ITPRIPL1: variants seen among roughly 807,000 people sequenced by gnomAD.
ITPRIPL1 encodes the protein ITPRIP like 1.
A neutral mutation model predicts 40.0 loss-of-function variants in ITPRIPL1; 28 were observed. The ratio of observed to expected loss-of-function variants is 0.70; its 90% CI spans 0.52 to 0.96. The LOEUF (loss-of-function observed/expected upper bound fraction) is 0.96. ITPRIPL1 is among the 40% of genes least tolerant of loss of function. The probability of loss-of-function intolerance (pLI) is 0.00; values close to 1 mark genes in which losing one functional copy is unlikely to be tolerated. For synonymous variants in ITPRIPL1, 251 were observed against 275.7 expected, an observed-to-expected ratio of 0.91 and a Z score of 0.89; for missense variants, 638 against 698.0, an observed-to-expected ratio of 0.91 and a Z score of 0.97.
At position 96,328,000 on chromosome 2, in the gene ITPRIPL1, T is replaced by C. The variant is rs1181773624; in HGVS notation, c.1369T>C (p.Leu457=). ...TTTTAAAACAGCTCTCATGCACCTC[T>C]TGCTACGGCTGCCCCTCACGGACTG... ...YHFKTALMHL[L]LRLPLTDWAH... Residue 457 remains leucine, a synonymous_variant, in exon 3 of 3, where the codon TTG becomes CTG. Transcript: ENST00000439118. 9.3e-6 allele frequency: 15 copies of C among 1,614,070 alleles called. No homozygotes were observed. The Admixed American group carries it at 2.5e-4, about 27-fold the overall frequency.
chr2:96,327,523 A>C lies in ITPRIPL1; in HGVS notation c.892A>C (p.Lys298Gln). Residue 298 changes from lysine (K) to glutamine (Q), a missense_variant, in exon 3 of 3, where the codon AAG becomes CAG. Coordinates refer to ENST00000439118, the MANE Select transcript of ITPRIPL1 (RefSeq NM_001008949.3). ...HHRDPSAVLGKCSSSIKAALC... is the reference protein window; with the variant it reads ...HHRDPSAVLGQCSSSIKAALC... ...CAGGGACCCCTCGGCAGTCTTGGGG[A>C]AGTGTAGTAGCTCCATCAAGGCAGC... 1 of 1,613,846 alleles carries C rather than the reference A, an allele frequency of 6.2e-7. No homozygotes were observed. Among genetic ancestry groups the C allele is most frequent in the Non-Finnish European group, 8.5e-7 (1 of 1,179,956 alleles).
At chr2:96,326,223 G>C (rs2064105013) in intron 2 of ITPRIPL1, 1 of 1,440,206 alleles carries the variant, frequency 6.9e-7, no homozygotes, top group African/African-American at 1.4e-5. Flanking sequence ...GTGTCACCCA[G>C]GCAGGTTCAG....
downstream of ITPRIPL1, chr2:96,330,285 A>G (rs1331016288): frequency 2.9e-5 from 4 of 136,438 alleles, no homozygotes; most frequent in Non-Finnish European, 4.7e-5. Context: ...AAAGGTTCCC[A>G]GAAGCTGATG....
intron 2 of ITPRIPL1, chr2:96,326,276 A>T (rs767772612): frequency 6.9e-7 from 1 of 1,444,160 alleles, no homozygotes; most frequent in Non-Finnish European, 9.2e-7. Flanking sequence ...TCAGCAGGTC[A>T]TATCTGGTGC....
At chr2:96,328,402 C>T, downstream of ITPRIPL1, 1 of 1,201,912 alleles carries the variant, frequency 8.3e-7, no homozygotes, top group South Asian at 1.5e-5. Context: ...TGACCTTCAC[C>T]TTGCCAGTGG....
At chr2:96,328,573 C>G (rs2064139068), downstream of ITPRIPL1, 1 of 352,656 alleles carries the variant, frequency 2.8e-6, no homozygotes, top group African/African-American at 2.1e-5. Context: ...ATGGGAGGAT[C>G]TTGCTGCTAA....
At position 96,326,019 on chromosome 2, in the gene ITPRIPL1, G is replaced by A. The variant is rs552429220; in HGVS notation, c.10+170G>A. ...TGAAGCTAGCCTGCCCACACACGGG[G>A]TATCCACTAGCCCCTTAGGAGCAGA... On this transcript the variant is annotated intron_variant, in intron 2 of 2. Coordinates refer to ENST00000439118, the MANE Select transcript of ITPRIPL1 (RefSeq NM_001008949.3). Among the ~76,000 whole-genome samples the A allele has an allele frequency of 2.4e-4, 36 of 152,294 alleles. 2 individuals carry two copies. Among genetic ancestry groups the A allele is most frequent in the Admixed American group, 1.8e-3 (28 of 15,288 alleles).
rs761396328 is a variant in ITPRIPL1 at position 96,327,628 on chromosome 2, G to T, written c.997G>T (p.Val333Leu). 6 of 1,611,072 alleles carry T rather than the reference G, an allele frequency of 3.7e-6. No individual in the cohort carries two copies. In the Admixed American group the frequency reaches 6.7e-5, roughly 18 times the overall value. The stretch of plus-strand genomic sequence containing the variant: ...CATGATGGGCAATGCCTGGGCCCTT[G>T]TGGCCCACAAGTATGACTTTAAACT... ...RNMMGNAWAL[V>L]AHKYDFKLSL... Residue 333 changes from valine (V) to leucine (L), a missense_variant, in exon 3 of 3, where the codon GTG becomes TTG. Coordinates refer to ENST00000439118, the MANE Select transcript of ITPRIPL1 (RefSeq NM_001008949.3).
chr2:96,325,617 C>T, intron 1 of ITPRIPL1, 52 bp downstream of exon 1: 1 of 610,208 alleles, frequency 1.6e-6, no homozygotes, highest in South Asian at 1.9e-5. Context: ...AGGATGGGCC[C>T]TTGGCCTCCT....
At position 96,327,833 on chromosome 2, in the gene ITPRIPL1, G is replaced by C. The variant is rs371232545; in HGVS notation, c.1202G>C (p.Cys401Ser). 9.9e-6 allele frequency: 16 copies of C among 1,614,026 alleles called. No individual in the cohort carries two copies. Among genetic ancestry groups the C allele is most frequent in the African/African-American group, 1.3e-5 (1 of 74,932 alleles). Residue 401 changes from cysteine (C) to serine (S), a missense_variant, in exon 3 of 3, where the codon TGT (cysteine) becomes TCT (serine). By Grantham distance (112) the Cys-to-Ser change is moderately radical. Transcript: ENST00000439118. The part of the protein sequence containing the change: ...SVDWPESFVA[C>S]EHLFLKLVGR... Reference sequence around the variant, plus strand: ...GACTGGCCTGAGTCCTTTGTGGCCTGTGAGCACCTGTTCCTGAAGCTGGTG... The same window carrying C: ...GACTGGCCTGAGTCCTTTGTGGCCTCTGAGCACCTGTTCCTGAAGCTGGTG...
At chr2:96,326,438 G>A (rs1444653355) in intron 2 of ITPRIPL1, 1 of 1,550,020 alleles carries the variant, frequency 6.5e-7, no homozygotes, top group Admixed American at 1.9e-5. Context: ...GAGACTGAGT[G>A]GCACATCCTT....
In ITPRIPL1 at chr2:96,326,716, G is replaced by C; in HGVS notation, c.85G>C (p.Val29Leu). 1 of 1,614,230 alleles carries C rather than the reference G, an allele frequency of 6.2e-7. No homozygotes were observed. The highest frequency in any genetic ancestry group is 1.1e-5 in the South Asian group (1 of 91,084). ...GTATGTTGTTCACCACCCTCTGATGGTCAGTGATCGGATGGACCTGGACAC... is the reference window on the plus strand; with the variant it reads ...GTATGTTGTTCACCACCCTCTGATGCTCAGTGATCGGATGGACCTGGACAC... ...VMYVVHHPLM[V>L]SDRMDLDTLA... The change falls in exon 3 of 3, where the codon GTC (valine) becomes CTC (leucine). Residue 29 changes from valine to leucine, a missense_variant. Val to Leu is a conservative substitution (Grantham distance 32, BLOSUM62 1). Coordinates refer to ENST00000439118, the MANE Select transcript of ITPRIPL1 (RefSeq NM_001008949.3).
rs770227362 is a variant in ITPRIPL1 at position 96,327,125 on chromosome 2, A to G, written c.494A>G (p.Gln165Arg). 3.1e-6 allele frequency: 5 copies of G among 1,614,060 alleles called. No individual in the cohort carries two copies. In the Admixed American group the frequency reaches 8.3e-5, roughly 27 times the overall value. ...SYNWLTDFPS[Q>R]EALDSFYKHY... ...AACTGGCTTACTGACTTCCCCTCCC[A>G]GGAGGCCCTGGACTCCTTTTACAAA... Residue 165 changes from glutamine (Q) to arginine (R), a missense_variant, in exon 3 of 3, where the codon CAG (glutamine) becomes CGG (arginine). Coordinates refer to ENST00000439118, the MANE Select transcript of ITPRIPL1 (RefSeq NM_001008949.3).
At position 96,328,324 on chromosome 2, in the gene ITPRIPL1, A is replaced by G. The variant is rs199814404; in HGVS notation, c.*25A>G. The G allele has an allele frequency of 3.7e-5, 58 of 1,551,310 alleles. No individual in the cohort carries two copies. Among genetic ancestry groups the G allele is most frequent in the Non-Finnish European group, 4.8e-5 (55 of 1,144,930 alleles). On this transcript the variant is annotated 3_prime_UTR_variant, in exon 3 of 3. Transcript: ENST00000439118. ...ATGTAAAGACCATTAAAAAAAAAACAGAGGAAGGTATTTCTAATTCCTTGG... is the reference window on the plus strand; with the variant it reads ...ATGTAAAGACCATTAAAAAAAAAACGGAGGAAGGTATTTCTAATTCCTTGG...
rs1185727855 is a variant in ITPRIPL1 at position 96,327,502 on chromosome 2, G to A, written c.871G>A (p.Asp291Asn). The change falls in exon 3 of 3, where the codon GAC becomes AAC. Residue 291 changes from aspartate to asparagine, a missense_variant. Coordinates refer to ENST00000439118, the MANE Select transcript of ITPRIPL1 (RefSeq NM_001008949.3). Reference sequence around the variant, plus strand: ...GCTGTGCCTGGTGCACCACCACAGGGACCCCTCGGCAGTCTTGGGGAAGTG... The same window carrying A: ...GCTGTGCCTGGTGCACCACCACAGGAACCCCTCGGCAGTCTTGGGGAAGTG... Reference protein sequence around the residue: ...DVLCLVHHHRDPSAVLGKCSS... With the variant: ...DVLCLVHHHRNPSAVLGKCSS... 2.5e-6 allele frequency: 4 copies of A among 1,613,970 alleles called. No individual in the cohort carries two copies. In the East Asian group the frequency reaches 6.7e-5, roughly 27 times the overall value.
Position 96,327,548 on chromosome 2 carries a change from C to T in ITPRIPL1, c.917C>T (p.Ala306Val), listed in dbSNP as rs900456205. Reference sequence around the variant, plus strand: ...AAGTGTAGTAGCTCCATCAAGGCAGCTCTCTGCACCGGCTTCCACCTAGAC... The same window carrying T: ...AAGTGTAGTAGCTCCATCAAGGCAGTTCTCTGCACCGGCTTCCACCTAGAC... ...LGKCSSSIKA[A>V]LCTGFHLDVC... Residue 306 changes from alanine to valine, a missense_variant, in exon 3 of 3, where the codon GCT becomes GTT. Ala to Val is a moderately conservative substitution (Grantham distance 64). Transcript: ENST00000439118. 10 of 1,613,356 alleles carry T rather than the reference C, an allele frequency of 6.2e-6. No homozygotes were observed. Among genetic ancestry groups the T allele is most frequent in the Non-Finnish European group, 8.5e-6 (10 of 1,179,738 alleles).
At position 96,326,755 on chromosome 2, in the gene ITPRIPL1, C is replaced by A; in HGVS notation, c.124C>A (p.Arg42=). 2.5e-6 allele frequency: 4 copies of A among 1,614,162 alleles called. No individual in the cohort carries two copies. Among genetic ancestry groups the A allele is most frequent in the Non-Finnish European group, 3.4e-6 (4 of 1,180,034 alleles). The change falls in exon 3 of 3, where the codon CGG becomes AGG. Residue 42 remains arginine, a synonymous_variant. Transcript: ENST00000439118. The stretch of plus-strand genomic sequence containing the variant: ...GGACCTGGACACATTAGCCAGGAGT[C>A]GGCAGCTGGAGAAGCGAATGAGTGA... ...RMDLDTLARS[R]QLEKRMSEEM...
At position 96,328,274 on chromosome 2, in the gene ITPRIPL1, A is replaced by G; in HGVS notation, c.1643A>G (p.His548Arg). 2 of 1,613,476 alleles carry G rather than the reference A, an allele frequency of 1.2e-6. No individual in the cohort carries two copies. The highest frequency in any genetic ancestry group is 1.7e-6 in the Non-Finnish European group (2 of 1,179,666). Reference protein sequence around the residue: ...NLLTQVKTLPHAPLAAAP With the variant: ...NLLTQVKTLPRAPLAAAP Reference sequence around the variant, plus strand: ...CTGACCCAGGTGAAAACTCTGCCTCATGCCCCACTGGCTGCAGCACCTTGA... The same window carrying G: ...CTGACCCAGGTGAAAACTCTGCCTCGTGCCCCACTGGCTGCAGCACCTTGA... Residue 548 changes from histidine (H) to arginine (R), a missense_variant, in exon 3 of 3, where the codon CAT becomes CGT. Transcript: ENST00000439118.
rs1420519704 is a variant in ITPRIPL1, at chr2:96,328,061, T to C, written c.1430T>C (p.Ile477Thr). ...HNMLSQRLQD[I>T]LWFLGRGLQQ... ...ATGCTCTCTCAGCGGCTCCAGGACA[T>C]TCTCTGGTTCTTGGGCCGTGGCCTC... Residue 477 changes from isoleucine (I) to threonine (T), a missense_variant, in exon 3 of 3, where the codon ATT (isoleucine) becomes ACT (threonine). Transcript: ENST00000439118. The C allele has an allele frequency of 2.5e-6, 4 of 1,614,044 alleles. No individual in the cohort carries two copies. The highest frequency in any genetic ancestry group is 3.4e-6 in the Non-Finnish European group (4 of 1,180,028).
Sources: gnomAD v4.1 joint callset for allele counts (sites outside exome capture counted in the v4.1 genomes callset) on GRCh38, gnomAD v4.1.1 for gene constraint, MANE v1.5 for transcripts, NCBI Gene and HGNC (gene_info 2026-07-23, HGNC 2026-07-21) for gene names.